Variants in IGF1R observed in about 807,000 individuals in gnomAD.
IGF1R encodes the protein insulin like growth factor 1 receptor.
Under a neutral mutation model 144.6 loss-of-function variants are expected in IGF1R, and 44 were observed. The ratio of observed to expected loss-of-function variants is 0.30; its 90% confidence interval spans 0.24 to 0.39. IGF1R has a LOEUF of 0.39. IGF1R is among the 10% of genes least tolerant of loss of function. The pLI, the probability that IGF1R is intolerant of heterozygous loss-of-function variation, is 1.00. For missense variants in IGF1R, 1,355 were observed against 1,833.7 expected (o/e 0.74, Z 4.77); for synonymous variants, 795 against 722.8 (o/e 1.10, Z -1.60).
At chr15:98,809,972 A>G (rs1313467446) in intron 2 of IGF1R, among the ~76,000 whole-genome samples, 3 of 152,224 alleles carry the variant, frequency 2.0e-5, no homozygotes, top group Non-Finnish European at 2.9e-5. Flanking sequence ...AGAGACAGCA[A>G]ACTGACCCAG....
chr15:98,875,349 C>CTTTTTTTTTTTT (rs34303390), intron 2 of IGF1R, among the ~76,000 whole-genome samples: 2 of 130,208 alleles, frequency 1.5e-5, no homozygotes, highest in Admixed American at 7.6e-5. Context: ...CTTTTCTTTT[C>CTTTTTTTTTTTT]TTTTTTTTTT....
intron 2 of IGF1R, among the ~76,000 whole-genome samples, chr15:98,818,430 A>AG (rs2056739313): frequency 6.6e-6 from 1 of 152,070 alleles, no homozygotes; most frequent in Non-Finnish European, 1.5e-5. Context: ...GGAGAAGGGG[A>AG]GAAGGAGGAA....
chr15:98,930,141 G>A, intron 14 of IGF1R, 94 bp from the exon 15 acceptor site: 3 of 856,870 alleles, frequency 3.5e-6, no homozygotes, highest in Non-Finnish European at 5.9e-6. Flanking sequence ...CCGTGTGAGA[G>A]AGGATAAATG....
chr15:98,718,538 C>T (rs952419642), intron 2 of IGF1R, among the ~76,000 whole-genome samples: 2 of 152,084 alleles, frequency 1.3e-5, no homozygotes, highest in African/African-American at 4.8e-5. Context: ...GACTGAGGCT[C>T]GCTGGCCCAC....
intron 2 of IGF1R, among the ~76,000 whole-genome samples, chr15:98,757,554 T>A (rs547865774): frequency 6.0e-4 from 92 of 152,238 alleles, no homozygotes; most frequent in African/African-American, 2.2e-3. Context: ...TATGTGTAAT[T>A]TTTTTATTTT....
intron 2 of IGF1R, 151 bp downstream of exon 2, chr15:98,708,258 G>A: frequency 1.3e-6 from 1 of 742,018 alleles, no homozygotes; most frequent in Non-Finnish European, 2.4e-6. Context: ...TGCGGAAGTG[G>A]TTCCCAGTGG....
intron 10 of IGF1R, among the ~76,000 whole-genome samples, chr15:98,921,005 T>C (rs1416903704): frequency 6.6e-6 from 1 of 152,222 alleles, no homozygotes; most frequent in Non-Finnish European, 1.5e-5. Flanking sequence ...CTGCTGCTGC[T>C]GCCGCGCTCT....
chr15:98,960,777 A>G lies in IGF1R; in HGVS notation c.*3335A>G. On this transcript the variant is annotated 3_prime_UTR_variant, in exon 21 of 21. Coordinates refer to ENST00000650285, the MANE Select transcript of IGF1R (RefSeq NM_000875.5). ...TCCCTGATAGAACACACGCAGGAGC[A>G]GAGTCCCCTCCCCCTCCAGGCTGCC... is the stretch of plus-strand genomic sequence containing the variant. 1 of 233,794 alleles carries G rather than the reference A, an allele frequency of 4.3e-6. No homozygotes were observed. The highest frequency in any genetic ancestry group is 8.5e-6 in the Non-Finnish European group (1 of 118,256). The allele number at this position is 233,794 out of a possible 1,614,324, so 14.5% of individuals were successfully genotyped here. A position where few individuals can be genotyped will look rare whatever the true frequency, so the allele number is the denominator to read the frequency against.
chr15:98,867,216 A>T (rs961062235), intron 2 of IGF1R, among the ~76,000 whole-genome samples: 1 of 152,046 alleles, frequency 6.6e-6, no homozygotes, highest in African/African-American at 2.4e-5. Context: ...TTAGGAATAG[A>T]TGATCCGTAG....
At chr15:98,710,567 A>G (rs1221469458) in intron 2 of IGF1R, among the ~76,000 whole-genome samples, 3 of 152,202 alleles carry the variant, frequency 2.0e-5, no homozygotes, top group African/African-American at 7.2e-5. Context: ...CCATTTCATT[A>G]ATAATTACTA....
chr15:98,729,325 T>A (rs1336371568), intron 2 of IGF1R, among the ~76,000 whole-genome samples: 1 of 152,248 alleles, frequency 6.6e-6, no homozygotes, highest in Non-Finnish European at 1.5e-5. Flanking sequence ...TTAAGAAGTT[T>A]TTGAGAAGGA....
At position 98,820,388 on chromosome 15, in the gene IGF1R, A is replaced by G. The variant is rs551248160; in HGVS notation, c.641-70937A>G. Among the ~76,000 whole-genome samples, 5 of 152,316 alleles carry G rather than the reference A, an allele frequency of 3.3e-5. No individual in the cohort carries two copies. The South Asian group carries it at 1.0e-3, about 32-fold the overall frequency. On this transcript the variant is annotated intron_variant, in intron 2 of 20. Coordinates refer to ENST00000650285, the MANE Select transcript of IGF1R (RefSeq NM_000875.5). ...AATTTAAATAATTTTTAAAGGAAAC[A>G]TTTCTAAAGGACGTTTTACATTGCT...
At position 98,891,260 on chromosome 15, in the gene IGF1R, C is replaced by T; in HGVS notation, c.641-65C>T. 2 of 1,492,374 alleles carry T rather than the reference C, an allele frequency of 1.3e-6. No homozygotes were observed. The highest frequency in any genetic ancestry group is 9.2e-7 in the Non-Finnish European group (1 of 1,090,464). 92.4% of individuals were successfully genotyped at this position (1,492,374 alleles called of 1,614,324 possible). On this transcript the variant is annotated intron_variant, in intron 2 of 20. Transcript: ENST00000650285. The surrounding 1 kb of genome is among the most constrained non-coding windows in gnomAD (Gnocchi z 4.7). The stretch of plus-strand genomic sequence containing the variant: ...GTGAATGACCCAGAAGGATGCTGGC[C>T]AGGCCCAGAGAAGGCGGTGCCTCCC...
intron 13 of IGF1R, among the ~76,000 whole-genome samples, chr15:98,925,543 T>C (rs749752975): frequency 1.8e-4 from 28 of 152,236 alleles, no homozygotes; most frequent in Non-Finnish European, 2.9e-4. Flanking sequence ...GGTAACACTT[T>C]TGGGTCTAGT....
chr15:98,792,618 A>G (rs2056152872), intron 2 of IGF1R, among the ~76,000 whole-genome samples: 1 of 152,192 alleles, frequency 6.6e-6, no homozygotes, highest in Non-Finnish European at 1.5e-5. Flanking sequence ...GGATCTTTTC[A>G]TATATGTATT....
At chr15:98,783,473 G>A (rs1407838313) in intron 2 of IGF1R, among the ~76,000 whole-genome samples, 1 of 152,138 alleles carries the variant, frequency 6.6e-6, no homozygotes, top group Non-Finnish European at 1.5e-5. Context: ...AGGTTGCTGT[G>A]TTTATCAATA....
intron 2 of IGF1R, among the ~76,000 whole-genome samples, chr15:98,712,798 C>A (rs540309959): frequency 1.3e-5 from 2 of 151,036 alleles, no homozygotes; most frequent in African/African-American, 4.9e-5. Context: ...TTAGTAGAGA[C>A]GGGGTTTCAC....
At chr15:98,949,209 C>T (rs952087056) in intron 20 of IGF1R, among the ~76,000 whole-genome samples, 1 of 152,162 alleles carries the variant, frequency 6.6e-6, no homozygotes, top group African/African-American at 2.4e-5. Flanking sequence ...GTCTTCTGAA[C>T]CCTGCCCCAC....
At chr15:98,765,308 C>CT (rs139280569) in intron 2 of IGF1R, among the ~76,000 whole-genome samples, 1,617 of 61,708 alleles carry the variant, frequency 0.026, 167 homozygotes, top group African/African-American at 0.059. Context: ...ATGCCAACAC[C>CT]TTTTTTTTTT....
Sources: gnomAD v4.1 joint callset for allele counts (sites outside exome capture counted in the v4.1 genomes callset) on GRCh38, gnomAD v4.1.1 for gene constraint, Gnocchi (gnomAD v3.1) non-coding constraint, MANE v1.5 for transcripts, NCBI Gene and HGNC (gene_info 2026-07-23, HGNC 2026-07-21) for gene names.